Variants in UTP20 observed in about 807,000 individuals in gnomAD.
UTP20 encodes small subunit processome component 20 homolog.
In UTP20, 164 loss-of-function variants were observed where a neutral mutation model predicts 329.5. The ratio of observed to expected loss-of-function variants is 0.50; its 90% CI spans 0.44 to 0.57. The LOEUF (loss-of-function observed/expected upper bound fraction) is 0.57, where lower values mean the gene tolerates loss of function less well. UTP20 is among the 20% of genes least tolerant of loss of function. UTP20 has a pLI of 0.00. For synonymous variants in UTP20, 1,151 were observed against 1,159.3 expected (o/e 0.99, Z 0.14); for missense variants, 3,055 against 3,284.2 (o/e 0.93, Z 1.71).
chr12:101,325,168 G>A lies in UTP20; in HGVS notation c.3042-1913G>A, dbSNP rs553301442. Reference sequence around the variant, plus strand: ...AGAAAGTCCTTACTGCTACCTACAGGGCTTGATATGGTGGCTTCAAATGAT... The same window carrying A: ...AGAAAGTCCTTACTGCTACCTACAGAGCTTGATATGGTGGCTTCAAATGAT... On this transcript the variant is annotated intron_variant, in intron 25 of 61. Transcript: ENST00000261637. Among the ~76,000 whole-genome samples, 52 of 152,210 alleles carry A rather than the reference G, an allele frequency of 3.4e-4. 1 individual carries two copies. The South Asian group carries it at 0.01, about 30-fold the overall frequency.
At chr12:101,293,096 T>C (rs1198537239) in intron 10 of UTP20, 72 bp from the exon 11 acceptor site, 6 of 1,478,984 alleles carry the variant, frequency 4.1e-6, no homozygotes, top group Non-Finnish European at 5.7e-6. Flanking sequence ...TTCCCTTCTA[T>C]AGCTGCTTGC....
chr12:101,379,707 G>C (rs1001703692), intron 57 of UTP20, 149 bp downstream of exon 57: 1 of 821,296 alleles, frequency 1.2e-6, no homozygotes. Context: ...TTAGTCACTG[G>C]AGAGGGGTCA....
intron 22 of UTP20, among the ~76,000 whole-genome samples, chr12:101,318,747 C>T (rs1236269879): frequency 1.4e-5 from 2 of 147,610 alleles, no homozygotes; most frequent in Non-Finnish European, 3.0e-5. Flanking sequence ...AAGAGAATCA[C>T]TTGAACCCAG....
chr12:101,353,180 G>T, intron 40 of UTP20, 51 bp downstream of exon 40: 1 of 1,285,280 alleles, frequency 7.8e-7, no homozygotes, highest in Non-Finnish European at 1.1e-6. Context: ...TTCTTGGATA[G>T]TGTATGGTAA....
At chr12:101,338,316 G>A in intron 30 of UTP20, 39 bp downstream of exon 30, 1 of 1,595,904 alleles carries the variant, frequency 6.3e-7, no homozygotes, top group Non-Finnish European at 8.6e-7. Flanking sequence ...TTAGACTTCT[G>A]CTGTAGCAAT....
At position 101,286,650 on chromosome 12, in the gene UTP20, C is replaced by A. The variant is rs572712707; in HGVS notation, c.515+141C>A. 4.2e-4 allele frequency: 264 copies of A among 630,542 alleles called. 3 individuals carry two copies. The East Asian group carries it at 8.1e-3, about 19-fold the overall frequency. 39.1% of individuals were successfully genotyped at this position (630,542 alleles called of 1,614,324 possible). A position where few individuals can be genotyped will look rare whatever the true frequency, so the allele number is the denominator to read the frequency against. On this transcript the variant is annotated intron_variant, in intron 5 of 61. Coordinates refer to ENST00000261637, the MANE Select transcript of UTP20 (RefSeq NM_014503.3). ...TTGATTCTCCAGCCAAAGTGGTCCA[C>A]AATCTAGTCTGCCAGTCTGAGTTGC... is the stretch of plus-strand genomic sequence containing the variant.
chr12:101,379,722 C>G (rs892816888), intron 57 of UTP20, among the ~76,000 whole-genome samples, 164 bp downstream of exon 57: 12 of 152,202 alleles, frequency 7.9e-5, no homozygotes, highest in African/African-American at 2.9e-4. Flanking sequence ...GGGTCACTCT[C>G]AAGGCCAGGG....
intron 27 of UTP20, among the ~76,000 whole-genome samples, chr12:101,332,932 T>A (rs985630975): frequency 6.6e-6 from 1 of 152,148 alleles, no homozygotes; most frequent in East Asian, 1.9e-4. Flanking sequence ...GGGAAAAAAA[T>A]TTTAAAAAAA....
chr12:101,292,547 T>G (rs1872198309), intron 10 of UTP20, among the ~76,000 whole-genome samples: 1 of 152,172 alleles, frequency 6.6e-6, no homozygotes, highest in African/African-American at 2.4e-5. Context: ...TGCCTGGGGT[T>G]GAGGAACAGA....
intron 1 of UTP20, among the ~76,000 whole-genome samples, 163 bp downstream of exon 1, chr12:101,280,490 T>TGAA (rs923343857): frequency 6.6e-5 from 10 of 152,208 alleles, no homozygotes; most frequent in Admixed American, 1.3e-4. Context: ...AAACATGGGT[T>TGAA]GGAGGAGGAA....
Position 101,295,517 on chromosome 12 carries a change from G to C in UTP20, c.1289G>C (p.Cys430Ser). 6.2e-7 allele frequency: 1 copy of C among 1,608,704 alleles called. No individual in the cohort carries two copies. Among genetic ancestry groups the C allele is most frequent in the Non-Finnish European group, 8.5e-7 (1 of 1,177,548 alleles). The change falls in exon 12 of 62, where the codon TGC (cysteine) becomes TCC (serine). Residue 430 changes from cysteine to serine, a missense_variant. Around this residue, in one of 3 missense-constraint regions of UTP20, gnomAD observed 2,445 missense variants for 2,575.5 expected, o/e 0.95. Coordinates refer to ENST00000261637, the MANE Select transcript of UTP20 (RefSeq NM_014503.3). Reference sequence around the variant, plus strand: ...AGCTTTCTGTCATATATTGTGAATTGCTTCTTAATTGATGATGCTGTAGTC... The same window carrying C: ...AGCTTTCTGTCATATATTGTGAATTCCTTCTTAATTGATGATGCTGTAGTC... ...LPSFLSYIVNCFLIDDAVVKD... is the reference protein window; with the variant it reads ...LPSFLSYIVNSFLIDDAVVKD...
intron 25 of UTP20, chr12:101,326,804 G>C: frequency 4.6e-6 from 1 of 217,028 alleles, no homozygotes; most frequent in Non-Finnish European, 9.0e-6. Flanking sequence ...GCCCAGGCTG[G>C]CTTTAAACTC....
At chr12:101,326,888 T>A (rs969785234) in intron 25 of UTP20, 193 bp from the exon 26 acceptor site, 13 of 533,356 alleles carry the variant, frequency 2.4e-5, no homozygotes, top group Non-Finnish European at 3.4e-5. Flanking sequence ...TGCACCCAGC[T>A]CTCTTAGCCT....
At chr12:101,346,937 AGAAAT>A (rs1157437982) in intron 38 of UTP20, among the ~76,000 whole-genome samples, 3 of 152,230 alleles carry the variant, frequency 2.0e-5, no homozygotes, top group Non-Finnish European at 4.4e-5. Flanking sequence ...ATGATTTACA[AGAAAT>A]GAAATGAAAT....
rs1342988360 is a variant in UTP20 at position 101,379,632 on chromosome 12, G to A, written c.7584+74G>A. On this transcript the variant is annotated intron_variant, in intron 57 of 61. Coordinates refer to ENST00000261637, the MANE Select transcript of UTP20 (RefSeq NM_014503.3). ...CCTTCTGGTTCATGTAACTATCTTC[G>A]GGCCAGCCCTTGGGAGAAACTCTTC... 8.1e-6 allele frequency: 12 copies of A among 1,483,748 alleles called. No individual in the cohort carries two copies. In the East Asian group the frequency reaches 1.1e-4, roughly 14 times the overall value. 91.9% of individuals were successfully genotyped at this position (1,483,748 alleles called of 1,614,324 possible).
At chr12:101,309,983 G>T in intron 19 of UTP20, 144 bp downstream of exon 19, 1 of 651,858 alleles carries the variant, frequency 1.5e-6, no homozygotes, top group Non-Finnish European at 2.5e-6. Context: ...GTGAGACAAG[G>T]TAAATTAAAA....
At position 101,291,776 on chromosome 12, in the gene UTP20, AAACT is replaced by A; in HGVS notation, c.931_934del (p.Asn311ValfsTer19). On this transcript the variant is annotated frameshift_variant, in exon 9 of 62. Coordinates refer to ENST00000261637, the MANE Select transcript of UTP20 (RefSeq NM_014503.3). LOFTEE classifies it high-confidence loss of function. ...TTGGATCTACACACAAAAGTAACAAAAACTAACTGTTGTGAAAGTTCTGAACAGA... is the reference window on the plus strand; with the variant it reads ...TTGGATCTACACACAAAAGTAACAAAAACTGTTGTGAAAGTTCTGAACAGA... The A allele has an allele frequency of 6.2e-7, 1 of 1,604,202 alleles. No individual in the cohort carries two copies. Among genetic ancestry groups the A allele is most frequent in the Non-Finnish European group, 8.5e-7 (1 of 1,176,402 alleles).
intron 11 of UTP20, among the ~76,000 whole-genome samples, chr12:101,294,972 T>TA (rs920724766): frequency 6.6e-6 from 1 of 152,270 alleles, no homozygotes; most frequent in Non-Finnish European, 1.5e-5. Context: ...AACTGTCAGA[T>TA]AATTTAGCAG....
intron 21 of UTP20, among the ~76,000 whole-genome samples, chr12:101,316,250 A>G (rs1467388614): frequency 2.0e-5 from 3 of 152,230 alleles, no homozygotes; most frequent in African/African-American, 7.2e-5. Context: ...CAGCATCCCA[A>G]TAAAAGGTGA....
Sources: allele counts gnomAD v4.1 joint callset (sites outside exome capture counted in the v4.1 genomes callset), GRCh38; gene constraint gnomAD v4.1.1; regional missense constraint gnomAD v4.1.1; transcripts MANE v1.5; gene names NCBI Gene and HGNC (gene_info 2026-07-23, HGNC 2026-07-21).